The following SERPINB7 variants were observed in gnomAD, a reference collection of about 807,000 sequenced individuals.
SERPINB7 encodes serpin B7.
SERPINB7 carries 31 observed loss-of-function variants against 37.4 expected under a neutral mutation model. The ratio of observed to expected loss-of-function variants is 0.83; its 90% CI spans 0.62 to 1.12. The LOEUF (loss-of-function observed/expected upper bound fraction) is 1.12. Among genes scored for constraint, SERPINB7 ranks in the 50% most tolerant of loss-of-function variants. The probability of loss-of-function intolerance (pLI) is 0.00; values close to 1 mark genes in which losing one functional copy is unlikely to be tolerated. For synonymous variants in SERPINB7, 163 were observed against 166.1 expected (o/e 0.98, Z 0.14); for missense variants, 521 against 455.3 (o/e 1.14, Z -1.31).
intron 1 of SERPINB7, chr18:63,778,013 G>T (rs533219276): frequency 1.3e-5 from 2 of 151,810 alleles, no homozygotes; most frequent in African/African-American, 2.4e-5. Context: ...TCGGATAATG[G>T]TCCTCTTGTC....
intron 6 of SERPINB7, among the ~76,000 whole-genome samples, chr18:63,799,393 G>A (rs993198827): frequency 1.3e-5 from 2 of 152,200 alleles, no homozygotes; most frequent in Non-Finnish European, 2.9e-5. Flanking sequence ...CACAGAAGCT[G>A]CATTCCTGTT....
intron 2 of SERPINB7, among the ~76,000 whole-genome samples, chr18:63,783,240 A>C (rs376066961): frequency 2.0e-4 from 16 of 79,140 alleles, no homozygotes; most frequent in Admixed American, 1.2e-4. Context: ...GAGAGAAAGA[A>C]AGAAAGAAAG....
intron 1 of SERPINB7, among the ~76,000 whole-genome samples, chr18:63,760,661 C>T (rs1027706972): frequency 3.9e-5 from 6 of 152,204 alleles, no homozygotes; most frequent in Non-Finnish European, 7.3e-5. Context: ...TTGTGTGCAG[C>T]CTAGGGTCTT....
At chr18:63,799,052 A>G (rs373853015) in intron 6 of SERPINB7, among the ~76,000 whole-genome samples, 14 of 152,244 alleles carry the variant, frequency 9.2e-5, no homozygotes, top group Admixed American at 4.6e-4. Flanking sequence ...AAAATATATG[A>G]CAAAAGTGTA....
chr18:63,785,759 T>G (rs1157476397), intron 2 of SERPINB7, among the ~76,000 whole-genome samples: 2 of 151,318 alleles, frequency 1.3e-5, no homozygotes, highest in Non-Finnish European at 1.5e-5. Context: ...TTATTTTCAT[T>G]TAGATCTAAT....
rs75805633 is a variant in SERPINB7, at chr18:63,785,739, G to T, written c.168+3199G>T. On this transcript the variant is annotated intron_variant, in intron 2 of 7. Coordinates refer to ENST00000398019, the MANE Select transcript of SERPINB7 (RefSeq NM_003784.4). ...TTTGTTGTTGTGTTTTGTTTTTTTT[G>T]TGTGTGTTTTTATTTTCATTTAGAT... 0.012 allele frequency among the ~76,000 whole-genome samples: 1,826 copies of T among 151,120 alleles called. 106 individuals are homozygous for T. The East Asian group carries it at 0.18, about 15-fold the overall frequency.
At chr18:63,787,570 T>C (rs988432067) in intron 2 of SERPINB7, among the ~76,000 whole-genome samples, 2 of 152,226 alleles carry the variant, frequency 1.3e-5, no homozygotes, top group Non-Finnish European at 2.9e-5. Flanking sequence ...TTAGTATGTT[T>C]GAATCACTTT....
At chr18:63,802,091 G>A (rs184350694) in intron 7 of SERPINB7, among the ~76,000 whole-genome samples, 18 of 152,290 alleles carry the variant, frequency 1.2e-4, no homozygotes, top group Admixed American at 1.0e-3. Flanking sequence ...CATCTTGGAG[G>A]TTAGCAGCAA....
intron 2 of SERPINB7, 44 bp downstream of exon 2, chr18:63,782,584 T>G: frequency 6.5e-7 from 1 of 1,531,936 alleles, no homozygotes; most frequent in Non-Finnish European, 8.9e-7. Context: ...CAAATTGTTT[T>G]TCCCACGAGA....
At chr18:63,756,920 T>G (rs936840373) in intron 1 of SERPINB7, among the ~76,000 whole-genome samples, 2 of 151,518 alleles carry the variant, frequency 1.3e-5, no homozygotes, top group Non-Finnish European at 2.9e-5. Flanking sequence ...ATTAAAAGCC[T>G]TCTTTCACTC....
At chr18:63,757,424 G>T (rs1432201677) in intron 1 of SERPINB7, among the ~76,000 whole-genome samples, 1 of 152,170 alleles carries the variant, frequency 6.6e-6, no homozygotes, top group Non-Finnish European at 1.5e-5. Flanking sequence ...ATTATCTGTT[G>T]CTGGATTTAG....
At chr18:63,788,146 G>T (rs141382140) in intron 2 of SERPINB7, among the ~76,000 whole-genome samples, 1 of 152,138 alleles carries the variant, frequency 6.6e-6, no homozygotes, top group Non-Finnish European at 1.5e-5. Flanking sequence ...ATAAAAGTTC[G>T]CTGTGGAACA....
chr18:63,804,648 T>C lies in SERPINB7; in HGVS notation c.*13T>C. On this transcript the variant is annotated 3_prime_UTR_variant, in exon 8 of 8. Coordinates refer to ENST00000398019, the MANE Select transcript of SERPINB7 (RefSeq NM_003784.4). Reference sequence around the variant, plus strand: ...TTCTTGCCCTTGAAAATCCAATTGGTTTCTGTTATAGCAGTCCCCACAACA... The same window carrying C: ...TTCTTGCCCTTGAAAATCCAATTGGCTTCTGTTATAGCAGTCCCCACAACA... The C allele has an allele frequency of 6.3e-7, 1 of 1,594,632 alleles. No individual in the cohort carries two copies. Among genetic ancestry groups the C allele is most frequent in the Non-Finnish European group, 8.5e-7 (1 of 1,170,440 alleles).
intron 6 of SERPINB7, among the ~76,000 whole-genome samples, chr18:63,799,920 C>T (rs2049529159): frequency 1.3e-5 from 2 of 152,142 alleles, no homozygotes; most frequent in South Asian, 4.1e-4. Context: ...ATTTATTGCA[C>T]CTCAGTGTTG....
Position 63,798,588 on chromosome 18 carries a change from A to ATTTT in SERPINB7, c.455-10_455-7dup. 6.7e-7 allele frequency: 1 copy of ATTTT among 1,483,816 alleles called. No homozygotes were observed. Among genetic ancestry groups the ATTTT allele is most frequent in the East Asian group, 2.4e-5 (1 of 41,582 alleles). 91.9% of individuals were successfully genotyped at this position (1,483,816 alleles called of 1,614,324 possible). On this transcript the variant is annotated splice_polypyrimidine_tract_variant and intron_variant, in intron 5 of 7. Coordinates refer to ENST00000398019, the MANE Select transcript of SERPINB7 (RefSeq NM_003784.4). ...TATTAAAATAAACATTTTTCCCTCAATTTTTTTTTCAAAAGGCAAAATCAA... is the reference window on the plus strand; with the variant it reads ...TATTAAAATAAACATTTTTCCCTCAATTTTTTTTTTTTTCAAAAGGCAAAATCAA...
chr18:63,797,220 C>T (rs1446933009), intron 5 of SERPINB7, among the ~76,000 whole-genome samples: 1 of 152,140 alleles, frequency 6.6e-6, no homozygotes, highest in Non-Finnish European at 1.5e-5. Flanking sequence ...ATTTACTAAG[C>T]CTAGCTGTGC....
chr18:63,786,210 G>GTGTATA (rs1185375595), intron 2 of SERPINB7, among the ~76,000 whole-genome samples: 2 of 64,302 alleles, frequency 3.1e-5, no homozygotes, highest in African/African-American at 1.1e-4. Flanking sequence ...GCACATACGT[G>GTGTATA]TATATATATA....
intron 1 of SERPINB7, chr18:63,753,225 A>T (rs551661745): frequency 6.6e-6 from 1 of 152,264 alleles, no homozygotes; most frequent in South Asian, 2.1e-4. Flanking sequence ...CTGAGCATTT[A>T]CCTGCTGTCA....
At chr18:63,778,822 A>G (rs1006027744) in intron 1 of SERPINB7, among the ~76,000 whole-genome samples, 34 of 152,152 alleles carry the variant, frequency 2.2e-4, no homozygotes, top group African/African-American at 8.2e-4. Context: ...GCTGCCATGG[A>G]CTTTTAGACC....
Sources: allele counts gnomAD v4.1 joint callset (sites outside exome capture counted in the v4.1 genomes callset), GRCh38; gene constraint gnomAD v4.1.1; transcripts MANE v1.5; gene names NCBI Gene and HGNC (gene_info 2026-07-23, HGNC 2026-07-21).